Variants in ROS1 observed in about 807,000 individuals in gnomAD.
The protein encoded by ROS1 is ROS proto-oncogene 1, receptor tyrosine kinase, also known as proto-oncogene tyrosine-protein kinase ROS.
In ROS1, 263 loss-of-function variants were observed where a neutral mutation model predicts 273.5. The ratio of observed to expected loss-of-function variants is 0.96; its 90% confidence interval spans 0.87 to 1.06. The LOEUF (loss-of-function observed/expected upper bound fraction) is 1.06. Among genes scored for constraint, ROS1 ranks in the 50% least tolerant of loss-of-function variants. ROS1 has a pLI of 0.00. For missense variants in ROS1, 2,833 were observed against 2,751.1 expected (o/e 1.03, Z -0.67); for synonymous variants, 1,008 against 954.1 (o/e 1.06, Z -1.04).
intron 18 of ROS1, among the ~76,000 whole-genome samples, chr6:117,370,906 A>T (rs1780709392): frequency 6.6e-6 from 1 of 152,252 alleles, no homozygotes; most frequent in South Asian, 2.1e-4. Flanking sequence ...AAGACAGTAG[A>T]CTTAAATCCA....
chr6:117,374,828 G>C (rs995532090), intron 18 of ROS1, among the ~76,000 whole-genome samples: 1 of 152,116 alleles, frequency 6.6e-6, no homozygotes, highest in Non-Finnish European at 1.5e-5. Context: ...GTGGTGAAGA[G>C]GGAACACTCT....
At chr6:117,298,599 CATT>C (rs1175860046) in intron 43 of ROS1, among the ~76,000 whole-genome samples, 1 of 152,164 alleles carries the variant, frequency 6.6e-6, no homozygotes, top group East Asian at 1.9e-4. Flanking sequence ...TTGAGCAAAA[CATT>C]ATTATTAAAT....
intron 35 of ROS1, among the ~76,000 whole-genome samples, chr6:117,323,313 T>C (rs1776410224): frequency 6.6e-6 from 1 of 152,170 alleles, no homozygotes; most frequent in Non-Finnish European, 1.5e-5. Flanking sequence ...GCAGAAAGAA[T>C]AAAGACTTAG....
chr6:117,424,600 T>G (rs989597578), intron 1 of ROS1, among the ~76,000 whole-genome samples: 1 of 152,056 alleles, frequency 6.6e-6, no homozygotes, highest in Non-Finnish European at 1.5e-5. Context: ...GGCAATGAAG[T>G]CTTCGGCAAA....
At chr6:117,410,247 CACTG>C (rs1224113380) in intron 4 of ROS1, among the ~76,000 whole-genome samples, 1 of 152,160 alleles carries the variant, frequency 6.6e-6, no homozygotes, top group Admixed American at 6.6e-5. Context: ...TTTGAAAAAA[CACTG>C]AGCTTAGCAG....
Position 117,387,857 on chromosome 6 carries a change from T to C in ROS1, c.1922A>G (p.Lys641Arg), listed in dbSNP as rs2128700550. 1 of 1,614,174 alleles carries C rather than the reference T, an allele frequency of 6.2e-7. No individual in the cohort carries two copies. The highest frequency in any genetic ancestry group is 8.5e-7 in the Non-Finnish European group (1 of 1,180,006). Residue 641 changes from lysine to arginine, a missense_variant, in exon 14 of 44, where the codon AAG becomes AGG. Coordinates refer to ENST00000368507, the MANE Select transcript of ROS1 (RefSeq NM_001378902.1). ...TGGAGAACTTGCTCTCACAGAAACC[T>C]TGTATTTCATAGCACTCTGCAGCTC... Reference protein sequence around the residue: ...VPELQSAMKYKVSVRASSPKR... With the variant: ...VPELQSAMKYRVSVRASSPKR...
intron 43 of ROS1, among the ~76,000 whole-genome samples, chr6:117,298,178 C>CG (rs34666966): frequency 0.19 from 28,622 of 151,886 alleles, 3,229 homozygotes; most frequent in Non-Finnish European, 0.27. Context: ...TACACATAGA[C>CG]TAGAGTATGA....
In ROS1 at chr6:117,418,524, G is replaced by A. The variant is rs778192447; in HGVS notation, c.124-18C>T. On this transcript the variant is annotated intron_variant, in intron 1 of 43. Coordinates refer to ENST00000368507, the MANE Select transcript of ROS1 (RefSeq NM_001378902.1). ...TGCTGGCCCTGAAATGAAGAAGGAG[G>A]TAGTAAACACCAGCCATCAGTACTG... 6.3e-7 allele frequency: 1 copy of A among 1,590,070 alleles called. No homozygotes were observed. Among genetic ancestry groups the A allele is most frequent in the Non-Finnish European group, 8.6e-7 (1 of 1,169,390 alleles).
intron 32 of ROS1, among the ~76,000 whole-genome samples, chr6:117,330,905 T>G (rs1777035837): frequency 6.6e-6 from 1 of 152,078 alleles, no homozygotes; most frequent in South Asian, 2.1e-4. Context: ...AAAAAAATGC[T>G]GAAAACCCAA....
intron 43 of ROS1, among the ~76,000 whole-genome samples, chr6:117,291,263 T>C (rs1773818818): frequency 2.0e-5 from 3 of 152,206 alleles, no homozygotes; most frequent in Admixed American, 1.3e-4. Context: ...ATTGTTATAG[T>C]TTGATGATAT....
At chr6:117,318,847 T>C (rs1776091569) in intron 37 of ROS1, among the ~76,000 whole-genome samples, 1 of 152,152 alleles carries the variant, frequency 6.6e-6, no homozygotes, top group South Asian at 2.1e-4. Flanking sequence ...TGCTTCTTTG[T>C]CAGCCATCTT....
chr6:117,366,302 T>C lies in ROS1; in HGVS notation c.2583-12A>G, dbSNP rs377390184. The C allele has an allele frequency of 2.2e-5, 35 of 1,599,618 alleles. No homozygotes were observed. The highest frequency in any genetic ancestry group is 2.9e-5 in the Non-Finnish European group (34 of 1,167,108). Reference sequence around the variant, plus strand: ...TGGTATCCCCAGTGCTGCTAAAACATAACACCAATTAGTGTGTGTTTCTGG... The same window carrying C: ...TGGTATCCCCAGTGCTGCTAAAACACAACACCAATTAGTGTGTGTTTCTGG... On this transcript the variant is annotated splice_polypyrimidine_tract_variant and intron_variant, in intron 18 of 43. Transcript: ENST00000368507.
intron 32 of ROS1, among the ~76,000 whole-genome samples, chr6:117,335,954 T>C (rs1309432878): frequency 2.6e-5 from 4 of 152,092 alleles, no homozygotes; most frequent in Non-Finnish European, 5.9e-5. Flanking sequence ...TCTTATTTTT[T>C]AAGAAGAAAT....
chr6:117,352,905 G>A (rs142484615), intron 27 of ROS1, 85 bp downstream of exon 27: 74 of 1,259,902 alleles, frequency 5.9e-5, no homozygotes, highest in Admixed American at 1.5e-4. Context: ...GGGGCTAAAG[G>A]GACAGCCTTG....
Position 117,379,098 on chromosome 6 carries a change from T to C in ROS1, c.2543A>G (p.Gln848Arg). 6.2e-7 allele frequency: 1 copy of C among 1,613,364 alleles called. No homozygotes were observed. Reference protein sequence around the residue: ...GLLYWLVQDSQCIHLYTAVLR... With the variant: ...GLLYWLVQDSRCIHLYTAVLR... ...AACAGCTGTGTACAGGTGAATACATTGACTGTCTTGAACCAACCAATACAG... is the reference window on the plus strand; with the variant it reads ...AACAGCTGTGTACAGGTGAATACATCGACTGTCTTGAACCAACCAATACAG... Residue 848 changes from glutamine (Q) to arginine (R), a missense_variant, in exon 18 of 44, where the codon CAA (glutamine) becomes CGA (arginine). By Grantham distance (43) the Gln-to-Arg change is conservative. Transcript: ENST00000368507.
intron 1 of ROS1, among the ~76,000 whole-genome samples, chr6:117,420,555 A>G (rs964659429): frequency 9.3e-5 from 14 of 151,152 alleles, no homozygotes; most frequent in African/African-American, 3.2e-4. Context: ...CATTGTGCAC[A>G]TGTACCCTAA....
chr6:117,403,244 G>A lies in ROS1; in HGVS notation c.499C>T (p.Leu167=). ...VSRPSYVVKP[L]HPFTEYIFRV... ...AAAATGTACTCAGTGAAGGGGTGCAGGGGCTTGACCACATAGGACGGTCTG... is the reference window on the plus strand; with the variant it reads ...AAAATGTACTCAGTGAAGGGGTGCAAGGGCTTGACCACATAGGACGGTCTG... The change falls in exon 7 of 44, where the codon CTG becomes TTG. Residue 167 remains leucine, a synonymous_variant. Transcript: ENST00000368507. 6.2e-7 allele frequency: 1 copy of A among 1,612,254 alleles called. No individual in the cohort carries two copies. Among genetic ancestry groups the A allele is most frequent in the Non-Finnish European group, 8.5e-7 (1 of 1,179,630 alleles).
chr6:117,295,167 A>G (rs1389311883), intron 43 of ROS1, among the ~76,000 whole-genome samples: 2 of 152,180 alleles, frequency 1.3e-5, no homozygotes, highest in Non-Finnish European at 2.9e-5. Flanking sequence ...AGAATAAAGA[A>G]CACAGAAATA....
At position 117,341,645 on chromosome 6, in the gene ROS1, G is replaced by A; in HGVS notation, c.4652-13C>T. 1 of 1,587,382 alleles carries A rather than the reference G, an allele frequency of 6.3e-7. No individual in the cohort carries two copies. Among genetic ancestry groups the A allele is most frequent in the Non-Finnish European group, 8.6e-7 (1 of 1,156,322 alleles). On this transcript the variant is annotated splice_polypyrimidine_tract_variant and intron_variant, in intron 29 of 43. Transcript: ENST00000368507. ...ACTGCCTCTGGTACTGAAATAAATA[G>A]CAAGGAATGATAAAGGATGCTGCAA... is the stretch of plus-strand genomic sequence containing the variant.
Sources: allele counts gnomAD v4.1 joint callset (sites outside exome capture counted in the v4.1 genomes callset), GRCh38; gene constraint gnomAD v4.1.1; transcripts MANE v1.5; gene names NCBI Gene and HGNC (gene_info 2026-07-23, HGNC 2026-07-21).